The following PPM1H variants were observed in gnomAD, a reference collection of about 807,000 sequenced individuals.
PPM1H encodes protein phosphatase 1H.
A neutral mutation model predicts 54.9 loss-of-function variants in PPM1H; 27 were observed. That is an observed-to-expected ratio of 0.49 (90% CI 0.36 to 0.68). PPM1H has a LOEUF of 0.68. Among genes scored for constraint, PPM1H ranks in the 30% least tolerant of loss-of-function variants. The pLI is 0.00. For missense variants in PPM1H, 596 were observed against 667.8 expected (o/e 0.89, Z 1.19); for synonymous variants, 305 against 270.8 (o/e 1.13, Z -1.24).
intron 6 of PPM1H, among the ~76,000 whole-genome samples, chr12:62,709,156 C>T (rs990569890): frequency 1.2e-4 from 18 of 152,222 alleles, no homozygotes; most frequent in African/African-American, 3.9e-4. Flanking sequence ...GTGAGCCTCC[C>T]GGGACTGTTA....
In PPM1H at chr12:62,834,479, C is replaced by T. The variant is rs550720207; in HGVS notation, c.246-2200G>A. On this transcript the variant is annotated intron_variant, in intron 1 of 9. Coordinates refer to ENST00000228705, the MANE Select transcript of PPM1H (RefSeq NM_020700.2). ...AGCCTATCTTGACCCCTAACCCAAC[C>T]TCTTCCTATTGTGCCCTGGGGACAT... is the stretch of plus-strand genomic sequence containing the variant. Among the ~76,000 whole-genome samples, 9 of 152,298 alleles carry T rather than the reference C, an allele frequency of 5.9e-5. 1 individual carries two copies. Among genetic ancestry groups the T allele is most frequent in the African/African-American group, 2.2e-4 (9 of 41,578 alleles).
At chr12:62,664,980 C>CTT (rs773613533) in intron 9 of PPM1H, among the ~76,000 whole-genome samples, 2 of 137,344 alleles carry the variant, frequency 1.5e-5, no homozygotes, top group African/African-American at 2.7e-5. Flanking sequence ...TGAATGTCTT[C>CTT]TTTTTTTTTT....
chr12:62,652,357 A>G (rs1379803216), intron 9 of PPM1H, among the ~76,000 whole-genome samples: 5 of 152,126 alleles, frequency 3.3e-5, no homozygotes, highest in Non-Finnish European at 5.9e-5. Flanking sequence ...GGACTAAGGC[A>G]TATTCCACCA....
chr12:62,901,780 A>G (rs1871168666), intron 1 of PPM1H, among the ~76,000 whole-genome samples: 1 of 152,078 alleles, frequency 6.6e-6, no homozygotes, highest in African/African-American at 2.4e-5. Flanking sequence ...TTTGAGCAGA[A>G]AGATCCTCTG....
Position 62,836,505 on chromosome 12 carries a change from C to A in PPM1H, c.246-4226G>T, listed in dbSNP as rs1384232502. ...CTCTATAAGGTAGCTGCCACTGTTACTCCCTTTTTAAACGAAGTCACAGCT... is the reference window on the plus strand; with the variant it reads ...CTCTATAAGGTAGCTGCCACTGTTAATCCCTTTTTAAACGAAGTCACAGCT... On this transcript the variant is annotated intron_variant, in intron 1 of 9. Coordinates refer to ENST00000228705, the MANE Select transcript of PPM1H (RefSeq NM_020700.2). Among the ~76,000 whole-genome samples the A allele has an allele frequency of 4.6e-5, 7 of 152,306 alleles. No individual in the cohort carries two copies. The East Asian group carries it at 1.3e-3, about 29-fold the overall frequency.
chr12:62,844,397 G>A lies in PPM1H; in HGVS notation c.246-12118C>T, dbSNP rs893610817. On this transcript the variant is annotated intron_variant, in intron 1 of 9. Coordinates refer to ENST00000228705, the MANE Select transcript of PPM1H (RefSeq NM_020700.2). This position sits in a 1 kb window ranked among gnomAD's most constrained non-coding sequence, Gnocchi z 5.2. ...AGGGGGGCGTCTTATCTCTGATGCT[G>A]CTTCTTCATTGCTAATCATTTATAG... Among the ~76,000 whole-genome samples, 1 of 152,182 alleles carries A rather than the reference G, an allele frequency of 6.6e-6. No individual in the cohort carries two copies. The highest frequency in any genetic ancestry group is 2.1e-4 in the South Asian group (1 of 4,832).
chr12:62,771,045 G>C (rs1030546734), intron 4 of PPM1H, among the ~76,000 whole-genome samples: 1 of 129,494 alleles, frequency 7.7e-6, no homozygotes, highest in African/African-American at 3.0e-5. Context: ...AAAAGAAAAA[G>C]ACACACACAC....
chr12:62,835,230 G>A (rs1030130147), intron 1 of PPM1H, among the ~76,000 whole-genome samples: 14 of 152,094 alleles, frequency 9.2e-5, no homozygotes, highest in African/African-American at 2.9e-4. Context: ...TCCCCTTAAC[G>A]TGCTTCGTCT....
chr12:62,933,574 C>A (rs1206289446), intron 1 of PPM1H, among the ~76,000 whole-genome samples: 1 of 152,180 alleles, frequency 6.6e-6, no homozygotes, highest in South Asian at 2.1e-4. Context: ...ACCTTGAATT[C>A]TATTCTAAAT....
At chr12:62,838,141 ATTG>A (rs1592626927) in intron 1 of PPM1H, among the ~76,000 whole-genome samples, 1 of 152,260 alleles carries the variant, frequency 6.6e-6, no homozygotes, top group East Asian at 1.9e-4. Context: ...TTTTGTGGTT[ATTG>A]TTGTCTTGCT....
chr12:62,809,890 C>T (rs1294324078), intron 2 of PPM1H, among the ~76,000 whole-genome samples: 1 of 152,044 alleles, frequency 6.6e-6, no homozygotes, highest in Non-Finnish European at 1.5e-5. Context: ...TTTTCTTCTG[C>T]GTGAAACACT....
At chr12:62,875,038 C>A (rs1870111465) in intron 1 of PPM1H, among the ~76,000 whole-genome samples, 1 of 152,212 alleles carries the variant, frequency 6.6e-6, no homozygotes, top group Non-Finnish European at 1.5e-5. Flanking sequence ...AGCTGAGTTC[C>A]AACAGGCACT....
chr12:62,923,295 G>A (rs1169224556), intron 1 of PPM1H, among the ~76,000 whole-genome samples: 1 of 152,188 alleles, frequency 6.6e-6, no homozygotes, highest in Non-Finnish European at 1.5e-5. Context: ...AAATGATAAA[G>A]CAAATCTAAC....
chr12:62,829,125 G>T (rs2120845046), intron 2 of PPM1H, among the ~76,000 whole-genome samples: 1 of 152,244 alleles, frequency 6.6e-6, no homozygotes, highest in African/African-American at 2.4e-5. Context: ...TGAAAGCAGG[G>T]ACTCAAAGAG....
chr12:62,714,216 T>C (rs1358979880), intron 6 of PPM1H, among the ~76,000 whole-genome samples: 1 of 152,172 alleles, frequency 6.6e-6, no homozygotes, highest in African/African-American at 2.4e-5. Context: ...ACTCGGGAAA[T>C]AAATTTTTAA....
At chr12:62,795,674 C>T (rs1336083671) in intron 3 of PPM1H, among the ~76,000 whole-genome samples, 1 of 151,952 alleles carries the variant, frequency 6.6e-6, no homozygotes, top group African/African-American at 2.4e-5. Flanking sequence ...CCTCGTGATC[C>T]ACCTGCCTGG....
At chr12:62,677,512 C>T (rs1018838824) in intron 8 of PPM1H, among the ~76,000 whole-genome samples, 1 of 152,178 alleles carries the variant, frequency 6.6e-6, no homozygotes, top group Non-Finnish European at 1.5e-5. Flanking sequence ...CCCCAGTGCC[C>T]ACAGTGGAAG....
intron 1 of PPM1H, among the ~76,000 whole-genome samples, chr12:62,917,031 A>C (rs932639364): frequency 6.6e-6 from 1 of 152,236 alleles, no homozygotes. Context: ...GCACTGACAT[A>C]GGTCACAAAG....
chr12:62,682,305 C>T (rs377720856), intron 8 of PPM1H, among the ~76,000 whole-genome samples: 2 of 152,300 alleles, frequency 1.3e-5, no homozygotes, highest in East Asian at 3.9e-4. Flanking sequence ...TTTCCCATGT[C>T]AGTATGCACC....
Sources: allele counts gnomAD v4.1 joint callset (sites outside exome capture counted in the v4.1 genomes callset), GRCh38; gene constraint gnomAD v4.1.1; non-coding constraint Gnocchi (gnomAD v3.1); transcripts MANE v1.5; gene names NCBI Gene and HGNC (gene_info 2026-07-23, HGNC 2026-07-21).